XRCC2: variants seen among roughly 807,000 people sequenced by gnomAD.
The protein encoded by XRCC2 is DNA repair protein XRCC2.
In XRCC2, 24 loss-of-function variants were observed where a neutral mutation model predicts 27.3. That is an observed-to-expected ratio of 0.88 (90% CI 0.64 to 1.24). The LOEUF (loss-of-function observed/expected upper bound fraction) is 1.24, where lower values mean the gene tolerates loss of function less well. XRCC2 is among the 50% of genes most tolerant of loss of function. The pLI, the probability that XRCC2 is intolerant of heterozygous loss-of-function variation, is 0.00. For synonymous variants in XRCC2, 106 were observed against 115.4 expected (o/e 0.92, Z 0.52); for missense variants, 321 against 325.8 (o/e 0.99, Z 0.11).
chr7:152,660,153 G>A (rs1390364722), intron 2 of XRCC2, among the ~76,000 whole-genome samples: 1 of 152,060 alleles, frequency 6.6e-6, no homozygotes, highest in Non-Finnish European at 1.5e-5. Flanking sequence ...CATGGGAGAT[G>A]ATGATTACTA....
chr7:152,672,155 G>A (rs1332714740), intron 1 of XRCC2, among the ~76,000 whole-genome samples: 2 of 152,142 alleles, frequency 1.3e-5, no homozygotes, highest in African/African-American at 2.4e-5. Flanking sequence ...ACCATGCGTA[G>A]GTAAATAGCT....
intron 2 of XRCC2, among the ~76,000 whole-genome samples, chr7:152,659,818 T>C (rs978335922): frequency 1.3e-5 from 2 of 152,152 alleles, no homozygotes; most frequent in African/African-American, 2.4e-5. Flanking sequence ...ACTGAAGACA[T>C]CTATCCACAG....
chr7:152,663,578 C>T (rs1425190347), intron 1 of XRCC2, among the ~76,000 whole-genome samples: 1 of 152,102 alleles, frequency 6.6e-6, no homozygotes, highest in African/African-American at 2.4e-5. Context: ...GTGGCTCGCG[C>T]CTGTAATCCT....
At position 152,661,112 on chromosome 7, in the gene XRCC2, G is replaced by A. The variant is rs2098032913; in HGVS notation, c.40-330C>T. ...CAAAGAGGCAGAGGTTGCAGCCTGG[G>A]TGACAGAGTGAGGCCCTATCTCAAA... On this transcript the variant is annotated intron_variant, in intron 1 of 2. Transcript: ENST00000359321. 2.0e-5 allele frequency among the ~76,000 whole-genome samples: 3 copies of A among 152,178 alleles called. No homozygotes were observed. The South Asian group carries it at 6.2e-4, about 32-fold the overall frequency.
chr7:152,662,995 G>T (rs889727666), intron 1 of XRCC2, among the ~76,000 whole-genome samples: 1 of 152,052 alleles, frequency 6.6e-6, no homozygotes, highest in Non-Finnish European at 1.5e-5. Flanking sequence ...CACTGTGCTA[G>T]GTAAAATGTT....
chr7:152,649,625 A>G (rs988789483), intron 2 of XRCC2, among the ~76,000 whole-genome samples: 1 of 152,206 alleles, frequency 6.6e-6, no homozygotes, highest in African/African-American at 2.4e-5. Context: ...ATTCAAAAAT[A>G]AAGAGCCACA....
intron 1 of XRCC2, among the ~76,000 whole-genome samples, chr7:152,665,360 A>G (rs969919131): frequency 1.3e-5 from 2 of 151,708 alleles, no homozygotes; most frequent in Non-Finnish European, 2.9e-5. Context: ...CATGTATCCT[A>G]TTGGTTGTTG....
chr7:152,649,689 T>C (rs773229817), intron 2 of XRCC2, among the ~76,000 whole-genome samples: 2 of 152,340 alleles, frequency 1.3e-5, no homozygotes, highest in Non-Finnish European at 2.9e-5. Context: ...TTTCTGGTAG[T>C]TGATTACACT....
At chr7:152,672,716 T>C (rs2098038653) in intron 1 of XRCC2, among the ~76,000 whole-genome samples, 1 of 152,216 alleles carries the variant, frequency 6.6e-6, no homozygotes. Context: ...AGTGGAGACA[T>C]TTCCTACTTT....
At position 152,649,256 on chromosome 7, in the gene XRCC2, C is replaced by T. The variant is rs142527605; in HGVS notation, c.229G>A (p.Glu77Lys). ...LPKSEGGLEV[E>K]VLFIDTDYHF... ...TAATCTGTATCAATAAATAAGACTT[C>T]TACTTCCAGGCCACCTTCTGATTTG... The change falls in exon 3 of 3, where the codon GAA (glutamate) becomes AAA (lysine). Residue 77 changes from glutamate to lysine, a missense_variant. Transcript: ENST00000359321. 1 of 1,613,710 alleles carries T rather than the reference C, an allele frequency of 6.2e-7. No homozygotes were observed. The highest frequency in any genetic ancestry group is 8.5e-7 in the Non-Finnish European group (1 of 1,180,036).
At chr7:152,651,704 G>A (rs1295564830) in intron 2 of XRCC2, among the ~76,000 whole-genome samples, 1 of 151,794 alleles carries the variant, frequency 6.6e-6, no homozygotes, top group African/African-American at 2.4e-5. Flanking sequence ...TGTAAAGACT[G>A]GGTTCCACCA....
chr7:152,662,806 C>T (rs1200198951), intron 1 of XRCC2, among the ~76,000 whole-genome samples: 2 of 151,680 alleles, frequency 1.3e-5, no homozygotes, highest in South Asian at 2.1e-4. Context: ...ATCTCCTGAC[C>T]TCGTGATCCG....
At position 152,648,782 on chromosome 7, in the gene XRCC2, C is replaced by G. The variant is rs1590129276; in HGVS notation, c.703G>C (p.Val235Leu). The change falls in exon 3 of 3, where the codon GTG (valine) becomes CTG (leucine). Residue 235 changes from valine (V) to leucine (L), a missense_variant. Physicochemically the swap from Val to Leu is conservative, Grantham distance 32 (BLOSUM62 1). Coordinates refer to ENST00000359321, the MANE Select transcript of XRCC2 (RefSeq NM_005431.2). ...TTGGAGAAAAACATCCTGTGCTTCACCAGTTGCTGCCATGCCTTACAGAGA... is the reference window on the plus strand; with the variant it reads ...TTGGAGAAAAACATCCTGTGCTTCAGCAGTTGCTGCCATGCCTTACAGAGA... ...PYLCKAWQQLVKHRMFFSKQD... is the reference protein window; with the variant it reads ...PYLCKAWQQLLKHRMFFSKQD... 2 of 1,614,152 alleles carry G rather than the reference C, an allele frequency of 1.2e-6. No homozygotes were observed. The highest frequency in any genetic ancestry group is 1.7e-6 in the Non-Finnish European group (2 of 1,180,032).
chr7:152,658,719 T>C (rs1393695767), intron 2 of XRCC2, among the ~76,000 whole-genome samples: 3 of 144,230 alleles, frequency 2.1e-5, no homozygotes, highest in Non-Finnish European at 3.1e-5. Flanking sequence ...CATTTACCAA[T>C]GTCCTCAAGG....
At chr7:152,668,534 T>C (rs113727359) in intron 1 of XRCC2, among the ~76,000 whole-genome samples, 26 of 143,222 alleles carry the variant, frequency 1.8e-4, no homozygotes, top group Admixed American at 3.4e-4. Context: ...TTGTTAAGTG[T>C]CCAGGGTAAA....
chr7:152,646,519 C>T lies in XRCC2; in HGVS notation c.*2123G>A, dbSNP rs994329710. 2.0e-5 allele frequency: 3 copies of T among 152,276 alleles called. No homozygotes were observed. The highest frequency in any genetic ancestry group is 7.2e-5 in the African/African-American group (3 of 41,434). The allele number at this position is 152,276 out of a possible 1,614,324, so 9.4% of individuals were successfully genotyped here. On this transcript the variant is annotated 3_prime_UTR_variant, in exon 3 of 3. Transcript: ENST00000359321. ...TTTATTTTTTAGAGATGGAGTCGCC[C>T]AGGCGGGAGTGCAATGGCGCGATCT...
At chr7:152,672,006 T>C (rs1415587530) in intron 1 of XRCC2, among the ~76,000 whole-genome samples, 1 of 152,144 alleles carries the variant, frequency 6.6e-6, no homozygotes, top group African/African-American at 2.4e-5. Context: ...GTGCCACTGC[T>C]GTCCAGCCTG....
chr7:152,674,288 C>T (rs1474771477), intron 1 of XRCC2, among the ~76,000 whole-genome samples: 8 of 152,108 alleles, frequency 5.3e-5, no homozygotes, highest in African/African-American at 9.7e-5. Context: ...CAAAAATCAT[C>T]GGACCTTAAC....
chr7:152,669,360 G>A (rs2098037255), intron 1 of XRCC2, among the ~76,000 whole-genome samples: 1 of 152,172 alleles, frequency 6.6e-6, no homozygotes, highest in Non-Finnish European at 1.5e-5. Context: ...CAGCAGCATT[G>A]CTGGAGCAAG....
Sources: allele counts gnomAD v4.1 joint callset (sites outside exome capture counted in the v4.1 genomes callset), GRCh38; gene constraint gnomAD v4.1.1; transcripts MANE v1.5; gene names NCBI Gene and HGNC (gene_info 2026-07-23, HGNC 2026-07-21).